Variants in ANGEL2 observed in about 807,000 individuals in gnomAD.
ANGEL2 encodes angel homolog 2.
In ANGEL2, 41 loss-of-function variants were observed where a neutral mutation model predicts 66.0. That is an observed-to-expected ratio of 0.62 (90% CI 0.48 to 0.81). The LOEUF (loss-of-function observed/expected upper bound fraction) is 0.81. ANGEL2 is among the 30% of genes least tolerant of loss of function. The probability of loss-of-function intolerance (pLI) is 0.00; values close to 1 mark genes in which losing one functional copy is unlikely to be tolerated. For synonymous variants in ANGEL2, 208 were observed against 226.5 expected (o/e 0.92, Z 0.73); for missense variants, 561 against 641.6 (o/e 0.87, Z 1.36).
chr1:213,005,285 G>A lies in ANGEL2; in HGVS notation c.882C>T (p.Pro294=). ...CAGGGCAGGCAGCATATGGAATTTT[G>A]GGCTGTAAGAGTAAAACTAATCCAA... ...DNVGLVLLLQ[P]KIPYAACPAI... is the part of the protein sequence containing the mutation. The change falls in exon 5 of 9, where the codon CCC becomes CCT. Residue 294 remains proline (P), a synonymous_variant. Coordinates refer to ENST00000366962, the MANE Select transcript of ANGEL2 (RefSeq NM_144567.5). 6.2e-7 allele frequency: 1 copy of A among 1,614,186 alleles called. No individual in the cohort carries two copies.
chr1:213,009,618 A>G (rs1200040201), intron 2 of ANGEL2, among the ~76,000 whole-genome samples: 2 of 152,236 alleles, frequency 1.3e-5, no homozygotes, highest in East Asian at 3.8e-4. Flanking sequence ...AAAGACTAAA[A>G]GGAAACACAC....
chr1:212,997,271 G>C lies in ANGEL2; in HGVS notation c.1367C>G (p.Ser456Ter). The C allele has an allele frequency of 1.2e-6, 2 of 1,612,632 alleles. No homozygotes were observed. Among genetic ancestry groups the C allele is most frequent in the Non-Finnish European group, 1.7e-6 (2 of 1,178,828 alleles). The stretch of plus-strand genomic sequence containing the variant: ...AATTCCAGTGTCAGGAAAGTAATGT[G>C]AATAAACAGATGACAAACTGAAATG... ...QHHFSLSSVY[S>*]HYFPDTGIPE... Residue 456 changes from serine to a stop codon, truncating the protein, a stop_gained, in exon 8 of 9, where the codon TCA becomes TGA. Coordinates refer to ENST00000366962, the MANE Select transcript of ANGEL2 (RefSeq NM_144567.5). LOFTEE classifies it high-confidence loss of function.
chr1:213,015,227 G>A (rs1229530991), intron 1 of ANGEL2: 2 of 1,064,320 alleles, frequency 1.9e-6, no homozygotes, highest in East Asian at 1.4e-4. Context: ...GAGACCTACT[G>A]CGGAGAGGCG....
At chr1:213,015,481 C>T (rs2076619848) in intron 1 of ANGEL2, 132 bp downstream of exon 1, 1 of 1,474,318 alleles carries the variant, frequency 6.8e-7, no homozygotes, top group Non-Finnish European at 9.0e-7. Flanking sequence ...GATGCACCAT[C>T]GCCCAGACCC....
At chr1:213,003,648 T>C (rs912598741) in intron 5 of ANGEL2, among the ~76,000 whole-genome samples, 4 of 152,174 alleles carry the variant, frequency 2.6e-5, no homozygotes, top group Non-Finnish European at 5.9e-5. Context: ...AATAGTAATA[T>C]CGAAGATCAC....
chr1:213,013,035 T>C (rs2076547374), intron 2 of ANGEL2, 58 bp downstream of exon 2: 2 of 1,526,924 alleles, frequency 1.3e-6, no homozygotes, highest in Admixed American at 3.9e-5. Context: ...GATATGAAAG[T>C]TTCAATTTAG....
rs776719513 is a variant in ANGEL2, at chr1:213,005,208, A to G, written c.959T>C (p.Ile320Thr). 3.7e-6 allele frequency: 6 copies of G among 1,614,136 alleles called. No individual in the cohort carries two copies. Among genetic ancestry groups the G allele is most frequent in the Admixed American group, 3.3e-5 (2 of 60,012 alleles). ...HLLYNPRRGDIKLTQLAMLLA... is the reference protein window; with the variant it reads ...HLLYNPRRGDTKLTQLAMLLA... Reference sequence around the variant, plus strand: ...TAGCATTGCCAATTGCGTCAGCTTAATATCACCTCGCCTTGGATTATACAA... The same window carrying G: ...TAGCATTGCCAATTGCGTCAGCTTAGTATCACCTCGCCTTGGATTATACAA... The change falls in exon 5 of 9, where the codon ATT (isoleucine) becomes ACT (threonine). Residue 320 changes from isoleucine to threonine, a missense_variant. Physicochemically the swap from Ile to Thr is moderately conservative, Grantham distance 89. Coordinates refer to ENST00000366962, the MANE Select transcript of ANGEL2 (RefSeq NM_144567.5).
chr1:213,009,940 A>C (rs1003108842), intron 2 of ANGEL2, among the ~76,000 whole-genome samples: 1 of 151,464 alleles, frequency 6.6e-6, no homozygotes, highest in Non-Finnish European at 1.5e-5. Flanking sequence ...AATCCCAGCT[A>C]CTCAGGAGGC....
rs2075896231 is a variant in ANGEL2 at position 212,993,051 on chromosome 1, A to C, written c.*1990T>G. 1 of 152,246 alleles carries C rather than the reference A, an allele frequency of 6.6e-6. No individual in the cohort carries two copies. The highest frequency in any genetic ancestry group is 2.4e-5 in the African/African-American group (1 of 41,462). 9.4% of individuals were successfully genotyped at this position (152,246 alleles called of 1,614,324 possible). On this transcript the variant is annotated 3_prime_UTR_variant, in exon 9 of 9. Coordinates refer to ENST00000366962, the MANE Select transcript of ANGEL2 (RefSeq NM_144567.5). ...GCCAGGCATGGTGGCTCATGCCTGT[A>C]ATCACAGCACTTTGGGAGCCCGAGG...
chr1:212,997,387 TTC>T, intron 7 of ANGEL2, 69 bp from the exon 8 acceptor site: 2 of 1,396,098 alleles, frequency 1.4e-6, no homozygotes, highest in South Asian at 2.6e-5. Context: ...CTATCTGAAT[TTC>T]TTTTTCACTT....
At chr1:212,999,659 T>C (rs1159321182) in intron 7 of ANGEL2, among the ~76,000 whole-genome samples, 2 of 152,202 alleles carry the variant, frequency 1.3e-5, no homozygotes, top group Non-Finnish European at 2.9e-5. Context: ...TTCAAGAATC[T>C]CCCTGAGACA....
At chr1:212,996,563 A>C (rs2076013077) in intron 8 of ANGEL2, among the ~76,000 whole-genome samples, 1 of 144,260 alleles carries the variant, frequency 6.9e-6, no homozygotes, top group Non-Finnish European at 1.5e-5. Flanking sequence ...CAGAGGTTGC[A>C]GTAAGCCGAG....
Position 213,005,279 on chromosome 1 carries a change from A to C in ANGEL2, c.888T>G (p.Ile296Met). The change falls in exon 5 of 9, where the codon ATT (isoleucine) becomes ATG (methionine). Residue 296 changes from isoleucine (I) to methionine (M), a missense_variant. Physicochemically the swap from Ile to Met is conservative, Grantham distance 10. Transcript: ENST00000366962. ...VGLVLLLQPK[I>M]PYAACPAICV... is the part of the protein sequence containing the mutation. ...AGATTGCAGGGCAGGCAGCATATGGAATTTTGGGCTGTAAGAGTAAAACTA... is the reference window on the plus strand; with the variant it reads ...AGATTGCAGGGCAGGCAGCATATGGCATTTTGGGCTGTAAGAGTAAAACTA... 6.2e-7 allele frequency: 1 copy of C among 1,614,242 alleles called. No individual in the cohort carries two copies. Among genetic ancestry groups the C allele is most frequent in the South Asian group, 1.1e-5 (1 of 91,086 alleles).
At chr1:213,004,480 A>G (rs1191640096) in intron 5 of ANGEL2, among the ~76,000 whole-genome samples, 1 of 151,854 alleles carries the variant, frequency 6.6e-6, no homozygotes, top group Non-Finnish European at 1.5e-5. Flanking sequence ...ATGTCTGTCA[A>G]TACTTTTTTT....
Position 213,000,194 on chromosome 1 carries a change from A to T in ANGEL2, c.1319+132T>A, listed in dbSNP as rs2076140469. 11 of 758,782 alleles carry T rather than the reference A, an allele frequency of 1.4e-5. 1 individual carries two copies. The South Asian group carries it at 1.9e-4, about 13-fold the overall frequency. The allele number at this position is 758,782 out of a possible 1,614,324, so 47.0% of individuals were successfully genotyped here. On this transcript the variant is annotated intron_variant, in intron 7 of 8. Coordinates refer to ENST00000366962, the MANE Select transcript of ANGEL2 (RefSeq NM_144567.5). ...CAGGACTGGAACTCAGGCCTATCTG[A>T]CTTAAGGGCCAGCACCCTTCACCAG... is the stretch of plus-strand genomic sequence containing the variant.
At chr1:213,012,017 T>C (rs2076521967) in intron 2 of ANGEL2, among the ~76,000 whole-genome samples, 1 of 152,230 alleles carries the variant, frequency 6.6e-6, no homozygotes, top group African/African-American at 2.4e-5. Flanking sequence ...ATTTTCACTT[T>C]TGGACAGTTA....
chr1:213,015,293 C>T, intron 1 of ANGEL2: 1 of 1,276,046 alleles, frequency 7.8e-7, no homozygotes, highest in Non-Finnish European at 9.9e-7. Flanking sequence ...GTGGAGCAGG[C>T]CAGCGCTGGT....
At chr1:212,995,933 T>C (rs1366210471) in intron 8 of ANGEL2, among the ~76,000 whole-genome samples, 2 of 152,158 alleles carry the variant, frequency 1.3e-5, no homozygotes, top group East Asian at 3.8e-4. Flanking sequence ...ATTCCAAAGT[T>C]TTCTTAAAGG....
Position 213,015,792 on chromosome 1 carries a change from G to T in ANGEL2, c.-121C>A. On this transcript the variant is annotated 5_prime_UTR_variant, in exon 1 of 9. Coordinates refer to ENST00000366962, the MANE Select transcript of ANGEL2 (RefSeq NM_144567.5). ...ACTCTTAAGTACCGACTCCAGTCCT[G>T]GCTGCAAGGCATGCTGGGAGGTGCA... 1 of 1,343,268 alleles carries T rather than the reference G, an allele frequency of 7.4e-7. No individual in the cohort carries two copies. Among genetic ancestry groups the T allele is most frequent in the Non-Finnish European group, 1.0e-6 (1 of 960,094 alleles). The allele number at this position is 1,343,268 out of a possible 1,614,324, so 83.2% of individuals were successfully genotyped here.
Sources: gnomAD v4.1 joint callset for allele counts (sites outside exome capture counted in the v4.1 genomes callset) on GRCh38, gnomAD v4.1.1 for gene constraint, MANE v1.5 for transcripts, NCBI Gene and HGNC (gene_info 2026-07-23, HGNC 2026-07-21) for gene names.